The following ZNF521 variants were observed in gnomAD, a reference collection of about 807,000 sequenced individuals.
ZNF521 encodes zinc finger protein 521.
Under a neutral mutation model 105.5 loss-of-function variants are expected in ZNF521, and 14 were observed. The observed-to-expected ratio is 0.13, with a 90% confidence interval of 0.09 to 0.21. The LOEUF (loss-of-function observed/expected upper bound fraction) is 0.21. Among genes scored for constraint, ZNF521 ranks in the 10% least tolerant of loss-of-function variants. ZNF521 has a pLI of 1.00. For missense variants in ZNF521, 1,233 were observed against 1,629.7 expected (o/e 0.76, Z 4.19); for synonymous variants, 635 against 606.0 (o/e 1.05, Z -0.70).
chr18:25,296,395 T>C (rs777385465), intron 3 of ZNF521, among the ~76,000 whole-genome samples: 7 of 152,196 alleles, frequency 4.6e-5, no homozygotes, highest in Admixed American at 6.5e-5. Context: ...ATTTCATATA[T>C]GCAAGTAGTA....
At chr18:25,231,090 T>A (rs1906500005) in intron 3 of ZNF521, among the ~76,000 whole-genome samples, 1 of 152,192 alleles carries the variant, frequency 6.6e-6, no homozygotes, top group Admixed American at 6.5e-5. Context: ...AGGTCCTTAT[T>A]TCCTAATTTC....
At chr18:25,295,284 T>C (rs1259502613) in intron 3 of ZNF521, among the ~76,000 whole-genome samples, 1 of 152,230 alleles carries the variant, frequency 6.6e-6, no homozygotes, top group Non-Finnish European at 1.5e-5. Flanking sequence ...ATCTTGTTTC[T>C]TGGGTCAATT....
chr18:25,123,235 C>A (rs756992248), intron 5 of ZNF521, among the ~76,000 whole-genome samples: 6 of 151,852 alleles, frequency 4.0e-5, no homozygotes, highest in Non-Finnish European at 8.8e-5. Flanking sequence ...CAAAGATTCA[C>A]TTACAGACCA....
At chr18:25,282,905 A>C (rs1175746367) in intron 3 of ZNF521, among the ~76,000 whole-genome samples, 1 of 152,232 alleles carries the variant, frequency 6.6e-6, no homozygotes, top group African/African-American at 2.4e-5. Flanking sequence ...CGTGGAGTAG[A>C]GATAAAAGAG....
intron 5 of ZNF521, among the ~76,000 whole-genome samples, chr18:25,101,872 C>A (rs1356821286): frequency 6.6e-6 from 1 of 152,132 alleles, no homozygotes; most frequent in Non-Finnish European, 1.5e-5. Context: ...AAATGAATTT[C>A]TTTACAGCCA....
At chr18:25,308,126 C>T (rs746391200) in intron 3 of ZNF521, among the ~76,000 whole-genome samples, 2 of 147,056 alleles carry the variant, frequency 1.4e-5, no homozygotes, top group African/African-American at 2.6e-5. Flanking sequence ...CACTTGAACC[C>T]GGCAGGCGGA....
intron 3 of ZNF521, among the ~76,000 whole-genome samples, chr18:25,287,065 T>C (rs1910746134): frequency 6.6e-6 from 1 of 152,182 alleles, no homozygotes; most frequent in Admixed American, 6.5e-5. Flanking sequence ...TAGCTTAAAA[T>C]ACCTTCTTTG....
At chr18:25,129,800 C>G (rs906250507) in intron 5 of ZNF521, among the ~76,000 whole-genome samples, 1 of 139,476 alleles carries the variant, frequency 7.2e-6, no homozygotes, top group Non-Finnish European at 1.7e-5. Flanking sequence ...CACTCTGTAC[C>G]TGTCAGAATG....
chr18:25,174,708 C>A (rs1221380143), intron 5 of ZNF521, among the ~76,000 whole-genome samples: 1 of 152,172 alleles, frequency 6.6e-6, no homozygotes, highest in Non-Finnish European at 1.5e-5. Flanking sequence ...ACTTTCGTTC[C>A]AACTCTAAAA....
intron 4 of ZNF521, among the ~76,000 whole-genome samples, chr18:25,206,925 T>C (rs990612859): frequency 1.3e-5 from 2 of 152,206 alleles, no homozygotes; most frequent in African/African-American, 4.8e-5. Context: ...GTGTGTTTCT[T>C]TCACTTTACC....
chr18:25,141,027 A>G (rs2034837469), intron 5 of ZNF521, among the ~76,000 whole-genome samples: 1 of 152,222 alleles, frequency 6.6e-6, no homozygotes, highest in African/African-American at 2.4e-5. Flanking sequence ...ATCTTCAAAC[A>G]GACCCATTAC....
rs151193239 is a variant in ZNF521 at position 25,230,387 on chromosome 18, C to G, written c.221-2690G>C. 6.0e-3 allele frequency among the ~76,000 whole-genome samples: 920 copies of G among 152,212 alleles called. 16 individuals are homozygous for G. The highest frequency in any genetic ancestry group is 0.021 in the African/African-American group (865 of 41,528). ...AAGAACACACAGGGACTCACTACTC[C>G]AAGCGGGTTGGTCCACACTCTTCAG... On this transcript the variant is annotated intron_variant, in intron 3 of 7. Transcript: ENST00000361524.
chr18:25,262,426 T>G (rs1219510332), intron 3 of ZNF521, among the ~76,000 whole-genome samples: 1 of 152,204 alleles, frequency 6.6e-6, no homozygotes, highest in Non-Finnish European at 1.5e-5. Context: ...AACACATTAG[T>G]TTTTGAAGTT....
intron 5 of ZNF521, among the ~76,000 whole-genome samples, chr18:25,124,548 T>G (rs2034503326): frequency 6.6e-6 from 1 of 152,172 alleles, no homozygotes; most frequent in Non-Finnish European, 1.5e-5. Flanking sequence ...TTTTGCTTCT[T>G]CTATTTGTAC....
intron 3 of ZNF521, among the ~76,000 whole-genome samples, chr18:25,236,535 CAAA>C (rs34602145): frequency 1.6e-5 from 2 of 122,304 alleles, no homozygotes; most frequent in African/African-American, 2.8e-5. Context: ...GACTCCATCT[CAAA>C]AAAAAAAAAA....
At chr18:25,208,972 G>A (rs183650420) in intron 4 of ZNF521, among the ~76,000 whole-genome samples, 6 of 152,192 alleles carry the variant, frequency 3.9e-5, no homozygotes, top group South Asian at 2.1e-4. Flanking sequence ...GTAAAATTTC[G>A]AAGATAATCC....
chr18:25,165,690 G>C (rs1050480487), intron 5 of ZNF521, among the ~76,000 whole-genome samples: 1 of 152,210 alleles, frequency 6.6e-6, no homozygotes, highest in African/African-American at 2.4e-5. Flanking sequence ...TTAATCACAA[G>C]TACAGCTGCA....
chr18:25,295,820 T>C (rs1600271223), intron 3 of ZNF521, among the ~76,000 whole-genome samples: 2 of 152,182 alleles, frequency 1.3e-5, no homozygotes, highest in Admixed American at 1.3e-4. Flanking sequence ...TATGGAGATA[T>C]GAAATTGCTG....
intron 5 of ZNF521, among the ~76,000 whole-genome samples, chr18:25,168,915 G>T (rs1430303549): frequency 6.6e-6 from 1 of 151,762 alleles, no homozygotes; most frequent in Non-Finnish European, 1.5e-5. Flanking sequence ...TACACAAACT[G>T]TATCACTGGG....
Sources: gnomAD v4.1 joint callset for allele counts (sites outside exome capture counted in the v4.1 genomes callset) on GRCh38, gnomAD v4.1.1 for gene constraint, MANE v1.5 for transcripts, NCBI Gene and HGNC (gene_info 2026-07-23, HGNC 2026-07-21) for gene names.